Variants in COL7A1 observed in about 807,000 individuals in gnomAD.
The protein encoded by COL7A1 is collagen alpha-1(VII) chain.
COL7A1 carries 296 observed loss-of-function variants against 456.2 expected under a neutral mutation model. The ratio of observed to expected loss-of-function variants is 0.65; its 90% CI spans 0.59 to 0.71. COL7A1 has a LOEUF of 0.71. Ranked by LOEUF, COL7A1 falls within the 30% of genes least tolerant of loss-of-function variation. The pLI is 0.00. For synonymous variants in COL7A1, 1,464 were observed against 1,525.9 expected, an observed-to-expected ratio of 0.96 and a Z score of 0.95; for missense variants, 3,441 against 4,017.2, an observed-to-expected ratio of 0.86 and a Z score of 3.88.
Position 48,588,766 on chromosome 3 carries a change from T to C in COL7A1, c.2463A>G (p.Ile821Met), listed in dbSNP as rs1341129685. ...RSEGGPMRHQ[I>M]LPGNTDSAEI... ...CTGCAGAGTCTGTGTTTCCTGGGAG[T>C]ATCTGGTGCCTCATGGGGCCGCCTG... The change falls in exon 20 of 119, where the codon ATA (isoleucine) becomes ATG (methionine). Residue 821 changes from isoleucine (I) to methionine (M), a missense_variant. By Grantham distance (10) the Ile-to-Met change is conservative. Transcript: ENST00000681320. This position sits in a 1 kb window ranked among gnomAD's most constrained non-coding sequence, Gnocchi z 4.6. 2 of 1,613,738 alleles carry C rather than the reference T, an allele frequency of 1.2e-6. No homozygotes were observed. Among genetic ancestry groups the C allele is most frequent in the East Asian group, 2.2e-5 (1 of 44,876 alleles).
Position 48,567,261 on chromosome 3 carries a change from C to T in COL7A1, c.8047-71G>A, listed in dbSNP as rs1171988601. 2 of 1,578,254 alleles carry T rather than the reference C, an allele frequency of 1.3e-6. No homozygotes were observed. Among genetic ancestry groups the T allele is most frequent in the African/African-American group, 1.3e-5 (1 of 74,214 alleles). On this transcript the variant is annotated intron_variant, in intron 109 of 118. Coordinates refer to ENST00000681320, the MANE Select transcript of COL7A1 (RefSeq NM_000094.4). The surrounding 1 kb of genome is among the most constrained non-coding windows in gnomAD (Gnocchi z 4.3). ...CAGCTCTGGAACCTCCCTGAACTCC[C>T]ATGAGCTCCCTGGCCTAATGCCCAA...
Position 48,575,284 on chromosome 3 carries a change from T to TTGG in COL7A1, c.6181-43_6181-42insCCA. The TTGG allele has an allele frequency of 2.0e-6, 3 of 1,533,396 alleles. No individual in the cohort carries two copies. Among genetic ancestry groups the TTGG allele is most frequent in the Non-Finnish European group, 2.7e-6 (3 of 1,110,754 alleles). 95.0% of individuals were successfully genotyped at this position (1,533,396 alleles called of 1,614,324 possible). A position where few individuals can be genotyped will look rare whatever the true frequency, so the allele number is the denominator to read the frequency against. Reference sequence around the variant, plus strand: ...GGGTGAGGGCCAAGCCCATGGGGGGTCCCACCCCTCCCAACCCCTCTTCCC... The same window carrying TTGG: ...GGGTGAGGGCCAAGCCCATGGGGGGTTGGCCCACCCCTCCCAACCCCTCTTCCC... On this transcript the variant is annotated intron_variant, in intron 74 of 118. Transcript: ENST00000681320. The surrounding 1 kb of genome is among the most constrained non-coding windows in gnomAD (Gnocchi z 6.3).
In COL7A1 at chr3:48,570,578, T is replaced by G; in HGVS notation, c.7344+61A>C. 2.5e-6 allele frequency: 4 copies of G among 1,613,282 alleles called. No individual in the cohort carries two copies. The South Asian group carries it at 4.4e-5, about 18-fold the overall frequency. Reference sequence around the variant, plus strand: ...ACACCCCACAGTGTGGCCCGCCCCATCCTAAGTCCTCACGAGGACAGGAAA... The same window carrying G: ...ACACCCCACAGTGTGGCCCGCCCCAGCCTAAGTCCTCACGAGGACAGGAAA... On this transcript the variant is annotated intron_variant, in intron 96 of 118. Coordinates refer to ENST00000681320, the MANE Select transcript of COL7A1 (RefSeq NM_000094.4). This position sits in a 1 kb window ranked among gnomAD's most constrained non-coding sequence, Gnocchi z 5.5.
chr3:48,579,161 G>A lies in COL7A1; in HGVS notation c.5388+36C>T. ...TAGGGTCCTCATGTGAAGGGGTAGG[G>A]GAAGGGGACAACCAGGCAGGACTAC... On this transcript the variant is annotated intron_variant, in intron 62 of 118. Transcript: ENST00000681320. This position sits in a 1 kb window ranked among gnomAD's most constrained non-coding sequence, Gnocchi z 4.4. 6.2e-7 allele frequency: 1 copy of A among 1,609,394 alleles called. No homozygotes were observed. Among genetic ancestry groups the A allele is most frequent in the Middle Eastern group, 1.7e-4 (1 of 5,880 alleles).
Position 48,564,521 on chromosome 3 carries a change from AG to A in COL7A1, c.8819-100del, listed in dbSNP as rs2043519229. On this transcript the variant is annotated intron_variant, in intron 118 of 118. Coordinates refer to ENST00000681320, the MANE Select transcript of COL7A1 (RefSeq NM_000094.4). The surrounding 1 kb of genome is among the most constrained non-coding windows in gnomAD (Gnocchi z 6.0). ...AAGGGGAGGGAGCGGAGGCTACAAC[AG>A]GAAGTGGGGGCTCTGACCTCAGAGG... 1 of 1,449,524 alleles carries A rather than the reference AG, an allele frequency of 6.9e-7. No homozygotes were observed. Among genetic ancestry groups the A allele is most frequent in the East Asian group, 2.4e-5 (1 of 42,364 alleles). The allele number at this position is 1,449,524 out of a possible 1,614,324, so 89.8% of individuals were successfully genotyped here. A position where few individuals can be genotyped will look rare whatever the true frequency, so the allele number is the denominator to read the frequency against.
chr3:48,589,203 G>T, intron 18 of COL7A1, 124 bp downstream of exon 18: 2 of 1,499,494 alleles, frequency 1.3e-6, no homozygotes, highest in Non-Finnish European at 1.8e-6. Context: ...ATCAGTGTGG[G>T]GTGGGTCAGT....
chr3:48,580,434 T>C lies in COL7A1; in HGVS notation c.5053-90A>G. 2 of 1,521,466 alleles carry C rather than the reference T, an allele frequency of 1.3e-6. No individual in the cohort carries two copies. Among genetic ancestry groups the C allele is most frequent in the Non-Finnish European group, 1.8e-6 (2 of 1,109,362 alleles). The allele number at this position is 1,521,466 out of a possible 1,614,324, so 94.2% of individuals were successfully genotyped here. A position where few individuals can be genotyped will look rare whatever the true frequency, so the allele number is the denominator to read the frequency against. On this transcript the variant is annotated intron_variant, in intron 55 of 118. Transcript: ENST00000681320. This position sits in a 1 kb window ranked among gnomAD's most constrained non-coding sequence, Gnocchi z 4.5. ...CCATGAGGACTCATGGGAATGTTGG[T>C]AGCCTTCAGATGCGTGTGTGCAGGG...
chr3:48,574,631 C>T lies in COL7A1; in HGVS notation c.6393+46G>A. ...ATATGCACACCACCTCTAGTGTGCC[C>T]CCAGAAAGGAGGGGGACTCTATGGA... On this transcript the variant is annotated intron_variant, in intron 78 of 118. Transcript: ENST00000681320. The surrounding 1 kb of genome is among the most constrained non-coding windows in gnomAD (Gnocchi z 5.0). The T allele has an allele frequency of 6.2e-7, 1 of 1,613,780 alleles. No homozygotes were observed.
At position 48,569,188 on chromosome 3, in the gene COL7A1, C is replaced by G. The variant is rs994653927; in HGVS notation, c.7686+187G>C. ...GGGCCAGTCCACAGAGCTCTCCTAA[C>G]CTCACACCAAGGCCTTGAGCCCTCC... On this transcript the variant is annotated intron_variant, in intron 103 of 118. Coordinates refer to ENST00000681320, the MANE Select transcript of COL7A1 (RefSeq NM_000094.4). This position sits in a 1 kb window ranked among gnomAD's most constrained non-coding sequence, Gnocchi z 4.9. Among the ~76,000 whole-genome samples, 1 of 152,074 alleles carries G rather than the reference C, an allele frequency of 6.6e-6. No homozygotes were observed. The highest frequency in any genetic ancestry group is 1.5e-5 in the Non-Finnish European group (1 of 68,000).
At position 48,590,318 on chromosome 3, in the gene COL7A1, C is replaced by T; in HGVS notation, c.1945G>A (p.Ala649Thr). 6.2e-7 allele frequency: 1 copy of T among 1,614,086 alleles called. No homozygotes were observed. Among genetic ancestry groups the T allele is most frequent in the African/African-American group, 1.3e-5 (1 of 75,016 alleles). ...GGCTGCAGCCCTGTGATGTCTGTGG[C>T]AGTAGAGTCTGGGGGCAGTGTCTGG... ...SSQTLPPDST[A>T]TDITGLQPGT... is the part of the protein sequence containing the mutation. The change falls in exon 16 of 119, where the codon GCC becomes ACC. Residue 649 changes from alanine to threonine, a missense_variant. Transcript: ENST00000681320. This position sits in a 1 kb window ranked among gnomAD's most constrained non-coding sequence, Gnocchi z 4.6.
At chr3:48,577,144 G>A in intron 65 of COL7A1, 117 bp from the exon 66 acceptor site, 1 of 1,405,148 alleles carries the variant, frequency 7.1e-7, no homozygotes, top group Non-Finnish European at 1.0e-6. Flanking sequence ...CTCCATGGTT[G>A]TGTGTGTCTT....
chr3:48,594,977 C>T lies in COL7A1; in HGVS notation c.85+98G>A. The T allele has an allele frequency of 3.0e-6, 3 of 999,864 alleles. No individual in the cohort carries two copies. The highest frequency in any genetic ancestry group is 1.4e-5 in the South Asian group (1 of 69,798). 61.9% of individuals were successfully genotyped at this position (999,864 alleles called of 1,614,324 possible). A position where few individuals can be genotyped will look rare whatever the true frequency, so the allele number is the denominator to read the frequency against. ...AATCCGCGGGGCGTCGTGGAGTTGGCTGGGTTGTGGGCGGGGGGTGTTGGG... is the reference window on the plus strand; with the variant it reads ...AATCCGCGGGGCGTCGTGGAGTTGGTTGGGTTGTGGGCGGGGGGTGTTGGG... On this transcript the variant is annotated intron_variant, in intron 2 of 118. Transcript: ENST00000681320. The surrounding 1 kb of genome is among the most constrained non-coding windows in gnomAD (Gnocchi z 5.5).
rs1227529770 is a variant in COL7A1 at position 48,581,753 on chromosome 3, C to T, written c.4675G>A (p.Val1559Met). Residue 1559 changes from valine (V) to methionine (M), a missense_variant, in exon 49 of 119, where the codon GTG becomes ATG. Val to Met is a conservative substitution (Grantham distance 21, BLOSUM62 1). Transcript: ENST00000681320. The surrounding 1 kb of genome is among the most constrained non-coding windows in gnomAD (Gnocchi z 5.8). ...GCTCCTCTGGGCCCAGCGGGCCCCA[C>T]ATCTCCCTGGAGGTGACAAAGACCA... ...VAGPKGEKGD[V>M]GPAGPRGATG... 1 of 1,614,078 alleles carries T rather than the reference C, an allele frequency of 6.2e-7. No homozygotes were observed. Among genetic ancestry groups the T allele is most frequent in the South Asian group, 1.1e-5 (1 of 91,090 alleles).
chr3:48,576,186 T>C (rs538538625), intron 71 of COL7A1, 63 bp downstream of exon 71: 1 of 1,608,150 alleles, frequency 6.2e-7, no homozygotes, highest in South Asian at 1.1e-5. Context: ...GGGAAGGGGA[T>C]GGCAAGGTGG....
Position 48,593,753 on chromosome 3 carries a change from C to A in COL7A1, c.267-57G>T. On this transcript the variant is annotated intron_variant, in intron 3 of 118. Coordinates refer to ENST00000681320, the MANE Select transcript of COL7A1 (RefSeq NM_000094.4). The surrounding 1 kb of genome is among the most constrained non-coding windows in gnomAD (Gnocchi z 4.4). The stretch of plus-strand genomic sequence containing the variant: ...GACTCAGGATCTCTTCTGGCCCTGG[C>A]CTTGAGGAGGCCTCTAGGGTGAGGG... 6.2e-7 allele frequency: 1 copy of A among 1,606,906 alleles called. No individual in the cohort carries two copies. The highest frequency in any genetic ancestry group is 8.5e-7 in the Non-Finnish European group (1 of 1,173,468).
intron 34 of COL7A1, 64 bp downstream of exon 34, chr3:48,584,846 G>C (rs2045113634): frequency 1.9e-6 from 3 of 1,613,802 alleles, no homozygotes; most frequent in Admixed American, 3.3e-5. Flanking sequence ...ACCACCCCAG[G>C]CTCCCACCCT....
In COL7A1 at chr3:48,568,066, A is replaced by G. The variant is rs780260715; in HGVS notation, c.7875+24T>C. The G allele has an allele frequency of 6.2e-7, 1 of 1,614,068 alleles. No individual in the cohort carries two copies. The highest frequency in any genetic ancestry group is 1.1e-5 in the South Asian group (1 of 91,066). ...ACATTAGGCCTTCCTGACCAGAAAA[A>G]AACCAATCTTGTTTCTTTCCTACCT... On this transcript the variant is annotated intron_variant, in intron 106 of 118. Transcript: ENST00000681320. The surrounding 1 kb of genome is among the most constrained non-coding windows in gnomAD (Gnocchi z 5.2).
rs756323013 is a variant in COL7A1, at chr3:48,572,681, G to T, written c.6890C>A (p.Ala2297Asp). 5.6e-6 allele frequency: 9 copies of T among 1,605,124 alleles called. No homozygotes were observed. The highest frequency in any genetic ancestry group is 5.1e-6 in the Non-Finnish European group (6 of 1,175,892). Residue 2297 changes from alanine (A) to aspartate (D), a missense_variant, in exon 88 of 119, where the codon GCC (alanine) becomes GAC (aspartate). Physicochemically the swap from Ala to Asp is moderately radical, Grantham distance 126 (BLOSUM62 -2). Around this residue, in one of 3 missense-constraint regions of COL7A1, gnomAD observed 2,084 missense variants for 2,501.3 expected, o/e 0.83. Coordinates refer to ENST00000681320, the MANE Select transcript of COL7A1 (RefSeq NM_000094.4). This position sits in a 1 kb window ranked among gnomAD's most constrained non-coding sequence, Gnocchi z 4.6. ...GPKGEPGPTG[A>D]PGQAVVGLPG... is the part of the protein sequence containing the mutation. ...AGGGTCAAAGATCACCTGTCCAGGG[G>T]CCCCCGTGGGGCCAGGTTCTCCTTT...
In COL7A1 at chr3:48,578,418, G is replaced by C. The variant is rs774211966; in HGVS notation, c.5487+35C>G. 3.1e-6 allele frequency: 5 copies of C among 1,613,428 alleles called. No individual in the cohort carries two copies. The East Asian group carries it at 1.1e-4, about 36-fold the overall frequency. ...TCGGGGATCGGGTGAGGGTAGTAAG[G>C]GGGAAAAGGGGGTAACATGAAAGTC... On this transcript the variant is annotated intron_variant, in intron 64 of 118. Transcript: ENST00000681320. This position sits in a 1 kb window ranked among gnomAD's most constrained non-coding sequence, Gnocchi z 4.7.
Sources: gnomAD v4.1 joint callset for allele counts (sites outside exome capture counted in the v4.1 genomes callset) on GRCh38, gnomAD v4.1.1 for gene constraint, gnomAD v4.1.1 regional missense constraint, Gnocchi (gnomAD v3.1) non-coding constraint, MANE v1.5 for transcripts, NCBI Gene and HGNC (gene_info 2026-07-23, HGNC 2026-07-21) for gene names.